Variants in PLCB4 observed in about 807,000 individuals in gnomAD.
PLCB4 encodes phospholipase C beta 4.
A neutral mutation model predicts 178.8 loss-of-function variants in PLCB4; 77 were observed. The ratio of observed to expected loss-of-function variants is 0.43; its 90% CI spans 0.36 to 0.52. PLCB4 has a LOEUF of 0.52. PLCB4 is among the 20% of genes least tolerant of loss of function. The probability of loss-of-function intolerance (pLI) is 0.00; values close to 1 mark genes in which losing one functional copy is unlikely to be tolerated. For synonymous variants in PLCB4, 496 were observed against 490.8 expected, an observed-to-expected ratio of 1.01 and a Z score of -0.14; for missense variants, 1,024 against 1,453.4, an observed-to-expected ratio of 0.70 and a Z score of 4.80.
intron 7 of PLCB4, among the ~76,000 whole-genome samples, chr20:9,359,291 G>A (rs1419254733): frequency 3.3e-5 from 5 of 152,068 alleles, no homozygotes; most frequent in Non-Finnish European, 5.9e-5. Context: ...GGCCTGGGGT[G>A]GTGAAAATAA....
At chr20:9,444,429 A>T (rs943510172) in intron 32 of PLCB4, among the ~76,000 whole-genome samples, 186 bp downstream of exon 32, 2 of 152,206 alleles carry the variant, frequency 1.3e-5, no homozygotes, top group Non-Finnish European at 2.9e-5. Context: ...TGCATTTCTA[A>T]CAATTCTTTC....
At chr20:9,234,487 G>A (rs1284214836) in intron 3 of PLCB4, among the ~76,000 whole-genome samples, 2 of 152,132 alleles carry the variant, frequency 1.3e-5, no homozygotes, top group African/African-American at 4.8e-5. Flanking sequence ...GACAAGTGGT[G>A]GGTGAGGTCA....
At chr20:9,084,825 A>G (rs1236081004) in intron 1 of PLCB4, among the ~76,000 whole-genome samples, 1 of 152,136 alleles carries the variant, frequency 6.6e-6, no homozygotes, top group African/African-American at 2.4e-5. Flanking sequence ...AAAAAAGAAT[A>G]TATTTTCACA....
At chr20:9,175,096 C>A (rs989207511) in intron 2 of PLCB4, among the ~76,000 whole-genome samples, 16 of 152,066 alleles carry the variant, frequency 1.1e-4, no homozygotes, top group Non-Finnish European at 2.2e-4. Context: ...TGGTTGTCAC[C>A]ATCAGCATCA....
At chr20:9,199,370 T>A (rs2093513493) in intron 2 of PLCB4, among the ~76,000 whole-genome samples, 1 of 152,166 alleles carries the variant, frequency 6.6e-6, no homozygotes, top group South Asian at 2.1e-4. Context: ...TCAATAAGCA[T>A]TTATTAAACA....
chr20:9,413,487 G>A (rs558220591), intron 25 of PLCB4, among the ~76,000 whole-genome samples: 7 of 151,818 alleles, frequency 4.6e-5, no homozygotes, highest in African/African-American at 1.4e-4. Context: ...GCGAAATCCC[G>A]TCTCTACTAA....
intron 2 of PLCB4, among the ~76,000 whole-genome samples, chr20:9,141,561 A>G (rs565722714): frequency 6.6e-6 from 1 of 152,244 alleles, no homozygotes; most frequent in East Asian, 1.9e-4. Flanking sequence ...GATGGGGGCA[A>G]TCTTGTTTAA....
intron 7 of PLCB4, among the ~76,000 whole-genome samples, chr20:9,360,394 C>T (rs1350701905): frequency 1.3e-5 from 2 of 152,050 alleles, no homozygotes; most frequent in Non-Finnish European, 2.9e-5. Context: ...TCAAAGTGCA[C>T]CATCTCTGTA....
intron 2 of PLCB4, among the ~76,000 whole-genome samples, chr20:9,103,689 G>C (rs930321621): frequency 6.6e-6 from 1 of 152,072 alleles, no homozygotes; most frequent in South Asian, 2.1e-4. Flanking sequence ...ATCCCCGAAG[G>C]TTGTCTTTAG....
Position 9,408,701 on chromosome 20 carries a change from G to A in PLCB4, c.1858G>A (p.Ala620Thr). The change falls in exon 23 of 40, where the codon GCA (alanine) becomes ACA (threonine). Residue 620 changes from alanine to threonine, a missense_variant. Coordinates refer to ENST00000378473, the MANE Select transcript of PLCB4 (RefSeq NM_001377142.1). The part of the protein sequence containing the change: ...SVGLGYLKTH[A>T]IEFVNYNKRQ... ...CGGTCTTGGCTACTTGAAGACACAT[G>A]CAATTGAATTTGTCAAGTATCCTTA... 6.4e-7 allele frequency: 1 copy of A among 1,563,542 alleles called. No individual in the cohort carries two copies. Among genetic ancestry groups the A allele is most frequent in the East Asian group, 2.2e-5 (1 of 44,626 alleles).
intron 28 of PLCB4, among the ~76,000 whole-genome samples, chr20:9,424,747 A>T (rs1170116976): frequency 1.3e-5 from 2 of 152,182 alleles, no homozygotes; most frequent in Non-Finnish European, 2.9e-5. Context: ...GGTGCTTATC[A>T]TTAGAGTACA....
Position 9,389,962 on chromosome 20 carries a change from T to C in PLCB4, c.1238+4T>C, listed in dbSNP as rs367764100. The C allele has an allele frequency of 6.8e-6, 10 of 1,466,826 alleles. No homozygotes were observed. The highest frequency in any genetic ancestry group is 1.4e-5 in the African/African-American group (1 of 72,064). 90.9% of individuals were successfully genotyped at this position (1,466,826 alleles called of 1,614,324 possible). ...TCTCCTTTGAAAATCACTGCAGGTATAATGATCCATTCTGCCACAAGTCTC... is the reference window on the plus strand; with the variant it reads ...TCTCCTTTGAAAATCACTGCAGGTACAATGATCCATTCTGCCACAAGTCTC... On this transcript the variant is annotated splice_donor_region_variant and intron_variant, in intron 16 of 39. Coordinates refer to ENST00000378473, the MANE Select transcript of PLCB4 (RefSeq NM_001377142.1).
intron 2 of PLCB4, among the ~76,000 whole-genome samples, chr20:9,104,768 C>T (rs1194267708): frequency 2.3e-4 from 35 of 152,028 alleles, no homozygotes; most frequent in Admixed American, 2.3e-3. Flanking sequence ...TCTTCACATC[C>T]TAACATTCTG....
intron 1 of PLCB4, among the ~76,000 whole-genome samples, chr20:9,092,876 G>A (rs6108255): frequency 0.47 from 70,779 of 151,880 alleles, 17,312 homozygotes; most frequent in Middle Eastern, 0.56. Flanking sequence ...TATCTCATTG[G>A]TCAAAACTGT....
intron 3 of PLCB4, among the ~76,000 whole-genome samples, chr20:9,264,215 T>G (rs1047790386): frequency 6.6e-6 from 1 of 152,170 alleles, no homozygotes; most frequent in Non-Finnish European, 1.5e-5. Context: ...AAAGATAAAT[T>G]TCTGACACTC....
chr20:9,093,839 C>T (rs1483087497), intron 1 of PLCB4, among the ~76,000 whole-genome samples: 3 of 151,840 alleles, frequency 2.0e-5, no homozygotes, highest in Non-Finnish European at 4.4e-5. Context: ...GGTGACTTTC[C>T]CTGCTTGTTG....
chr20:9,260,218 C>T (rs1260464777), intron 3 of PLCB4, among the ~76,000 whole-genome samples: 1 of 152,052 alleles, frequency 6.6e-6, no homozygotes, highest in Non-Finnish European at 1.5e-5. Flanking sequence ...AACAAACACC[C>T]TTAGTCACCA....
intron 2 of PLCB4, among the ~76,000 whole-genome samples, chr20:9,149,297 A>G (rs193045498): frequency 1.0e-3 from 158 of 152,262 alleles, no homozygotes; most frequent in Middle Eastern, 6.8e-3. Flanking sequence ...TGATAACGTC[A>G]CATCCTTCCA....
At chr20:9,269,261 T>C (rs547205951) in intron 3 of PLCB4, among the ~76,000 whole-genome samples, 1 of 152,264 alleles carries the variant, frequency 6.6e-6, no homozygotes, top group South Asian at 2.1e-4. Context: ...CATTTATCAG[T>C]GATGAGAGTG....
Sources: gnomAD v4.1 joint callset for allele counts (sites outside exome capture counted in the v4.1 genomes callset) on GRCh38, gnomAD v4.1.1 for gene constraint, MANE v1.5 for transcripts, NCBI Gene and HGNC (gene_info 2026-07-23, HGNC 2026-07-21) for gene names.